SYNPO: variants seen among roughly 807,000 people sequenced by gnomAD.
SYNPO encodes synaptopodin.
SYNPO carries 19 observed loss-of-function variants against 49.5 expected under a neutral mutation model. The ratio of observed to expected loss-of-function variants is 0.38; its 90% confidence interval spans 0.27 to 0.56. The LOEUF (loss-of-function observed/expected upper bound fraction) is 0.56. Among genes scored for constraint, SYNPO ranks in the 20% least tolerant of loss-of-function variants. The pLI is 0.68. For missense variants in SYNPO, 1,131 were observed against 1,248.3 expected (o/e 0.91, Z 1.42); for synonymous variants, 536 against 548.0 (o/e 0.98, Z 0.31).
Position 150,641,477 on chromosome 5 carries a change from A to T in SYNPO, c.-333+623A>T, listed in dbSNP as rs1581498873. Among the ~76,000 whole-genome samples the T allele has an allele frequency of 2.0e-5, 3 of 152,204 alleles. No homozygotes were observed. The East Asian group carries it at 5.8e-4, about 29-fold the overall frequency. On this transcript the variant is annotated intron_variant, in intron 1 of 2. Coordinates refer to ENST00000307662, the MANE Select transcript of SYNPO (RefSeq NM_007286.6). ...CTGGCTGGACACTCCCATTGACGGC[A>T]TCGTGTGAAGAAGCATTTCCTTGAA... is the stretch of plus-strand genomic sequence containing the variant.
chr5:150,657,287 G>GT lies in SYNPO; in HGVS notation c.*201dup, dbSNP rs1394282134. ...TCATTCAGCTGTTGTGTGACCCTGGGTAAGACCCTTCCTTGTTTGACCCTC... is the reference window on the plus strand; with the variant it reads ...TCATTCAGCTGTTGTGTGACCCTGGGTTAAGACCCTTCCTTGTTTGACCCTC... On this transcript the variant is annotated 3_prime_UTR_variant, in exon 3 of 3. Coordinates refer to ENST00000307662, the MANE Select transcript of SYNPO (RefSeq NM_007286.6). 3 of 623,866 alleles carry GT rather than the reference G, an allele frequency of 4.8e-6. No homozygotes were observed. In the African/African-American group the frequency reaches 5.5e-5, roughly 11 times the overall value. 38.6% of individuals were successfully genotyped at this position (623,866 alleles called of 1,614,324 possible).
intron 2 of SYNPO, among the ~76,000 whole-genome samples, chr5:150,635,203 A>C (rs145001166): frequency 4.1e-4 from 62 of 152,360 alleles, no homozygotes; most frequent in Admixed American, 8.5e-4. Context: ...CTCAGTGTGC[A>C]CATATTTATG....
chr5:150,590,304 T>C, the SYNPO span, among the ~76,000 whole-genome samples: 1 of 152,136 alleles, frequency 6.6e-6, no homozygotes, highest in Non-Finnish European at 1.5e-5. Context: ...GCTGGGACCA[T>C]AGGCCCCTGG....
At chr5:150,654,674 G>A (rs188264156) in intron 2 of SYNPO, among the ~76,000 whole-genome samples, 6 of 152,274 alleles carry the variant, frequency 3.9e-5, no homozygotes, top group East Asian at 3.9e-4. Flanking sequence ...AGTGAGGGGC[G>A]TGTGCTGCCT....
In SYNPO at chr5:150,656,822, C is replaced by A. The variant is rs918089555; in HGVS notation, c.2447C>A (p.Pro816Gln). 4 of 1,526,686 alleles carry A rather than the reference C, an allele frequency of 2.6e-6. No individual in the cohort carries two copies. The Admixed American group carries it at 5.9e-5, about 22-fold the overall frequency. The allele number at this position is 1,526,686 out of a possible 1,614,324, so 94.6% of individuals were successfully genotyped here. A position where few individuals can be genotyped will look rare whatever the true frequency, so the allele number is the denominator to read the frequency against. The change falls in exon 3 of 3, where the codon CCG (proline) becomes CAG (glutamine). Residue 816 changes from proline (P) to glutamine (Q), a missense_variant. Coordinates refer to ENST00000307662, the MANE Select transcript of SYNPO (RefSeq NM_007286.6). ...QPARPGSAAV[P>Q]GAAFAPIPRS... ...GCCCGCCCCGGCTCGGCTGCTGTGC[C>A]GGGGGCAGCCTTCGCGCCCATCCCG...
At chr5:150,599,348 T>C (rs1215320330), upstream of SYNPO, among the ~76,000 whole-genome samples, 1 of 152,144 alleles carries the variant, frequency 6.6e-6, no homozygotes, top group East Asian at 1.9e-4. Context: ...TGCCCCCTTT[T>C]TCATGGATGG....
chr5:150,650,561 A>AGCGGGGAG, intron 2 of SYNPO: 2 of 1,459,560 alleles, frequency 1.4e-6, no homozygotes, highest in Non-Finnish European at 1.8e-6. Flanking sequence ...TCCATGTCTG[A>AGCGGGGAG]GCGGGGAGGA....
chr5:150,633,195 A>C (rs1273184574), intron 2 of SYNPO, among the ~76,000 whole-genome samples: 1 of 152,210 alleles, frequency 6.6e-6, no homozygotes, highest in Non-Finnish European at 1.5e-5. Flanking sequence ...CCAGAGAGCT[A>C]ATGTGCAGTA....
At position 150,656,427 on chromosome 5, in the gene SYNPO, C is replaced by T. The variant is rs771438519; in HGVS notation, c.2052C>T (p.Thr684=). The T allele has an allele frequency of 2.5e-5, 39 of 1,531,914 alleles. No homozygotes were observed. The African/African-American group carries it at 3.7e-4, about 15-fold the overall frequency. The allele number at this position is 1,531,914 out of a possible 1,614,324, so 94.9% of individuals were successfully genotyped here. A position where few individuals can be genotyped will look rare whatever the true frequency, so the allele number is the denominator to read the frequency against. ...EAQDRRESLP[T]SPPWTPGASR... ...AGGACCGCCGGGAGAGCCTGCCCAC[C>T]TCCCCACCCTGGACGCCGGGCGCGT... Residue 684 remains threonine (T), a synonymous_variant, in exon 3 of 3, where the codon ACC becomes ACT. Coordinates refer to ENST00000307662, the MANE Select transcript of SYNPO (RefSeq NM_007286.6).
upstream of SYNPO, among the ~76,000 whole-genome samples, chr5:150,600,809 C>A (rs1212000436): frequency 1.3e-5 from 2 of 151,954 alleles, no homozygotes; most frequent in Admixed American, 6.6e-5. Context: ...TCGCTGGGGG[C>A]TTTTTCTTCA....
intron 2 of SYNPO, among the ~76,000 whole-genome samples, chr5:150,622,012 T>G (rs1757197867): frequency 6.6e-6 from 1 of 152,218 alleles, no homozygotes; most frequent in Non-Finnish European, 1.5e-5. Flanking sequence ...AGATGGAGAC[T>G]CTGAGTGCCA....
intron 1 of SYNPO, among the ~76,000 whole-genome samples, chr5:150,608,218 T>G (rs1436676073): frequency 4.9e-5 from 7 of 142,114 alleles, no homozygotes; most frequent in Non-Finnish European, 1.0e-4. Context: ...CTGATGTCAC[T>G]CTTCTTAATC....
the SYNPO span, among the ~76,000 whole-genome samples, chr5:150,588,584 G>C: frequency 6.6e-6 from 1 of 152,136 alleles, no homozygotes; most frequent in East Asian, 1.9e-4. Flanking sequence ...GGGAGTCAGA[G>C]AGAAGGGGAT....
upstream of SYNPO, among the ~76,000 whole-genome samples, chr5:150,596,948 C>G (rs1756436682): frequency 1.3e-5 from 2 of 152,360 alleles, no homozygotes; most frequent in South Asian, 2.1e-4. Context: ...TGTCCACATT[C>G]TGGATTCTAG....
chr5:150,640,479 G>A (rs1757862923), upstream of SYNPO, among the ~76,000 whole-genome samples: 1 of 152,174 alleles, frequency 6.6e-6, no homozygotes, highest in Admixed American at 6.5e-5. Context: ...GCCAGGATGA[G>A]GACTCTCCTC....
chr5:150,616,391 G>A (rs981044801), intron 1 of SYNPO, among the ~76,000 whole-genome samples: 1 of 152,232 alleles, frequency 6.6e-6, no homozygotes, highest in Non-Finnish European at 1.5e-5. Context: ...ACTTGCCTGA[G>A]TTCACACAGC....
intron 1 of SYNPO, among the ~76,000 whole-genome samples, chr5:150,613,917 G>C (rs1052006324): frequency 3.9e-5 from 6 of 152,112 alleles, no homozygotes; most frequent in African/African-American, 1.2e-4. Flanking sequence ...AGCTTACAAG[G>C]GAGGCTCTTT....
At chr5:150,637,203 G>C (rs138152681), upstream of SYNPO, among the ~76,000 whole-genome samples, 55 of 152,258 alleles carry the variant, frequency 3.6e-4, no homozygotes, top group Non-Finnish European at 6.2e-4. Flanking sequence ...AAGGAGGGCT[G>C]TCTGTGGGAG....
rs1194492259 is a variant in SYNPO, at chr5:150,656,889, C to G, written c.2514C>G (p.Pro838=). ...LPAGPSSCTS[P]RSPLPAPPRP... ...CCGGTCCTTCGTCCTGCACCAGTCC[C>G]CGGAGCCCGCTGCCCGCGCCTCCCA... is the stretch of plus-strand genomic sequence containing the variant. The change falls in exon 3 of 3, where the codon CCC becomes CCG. Residue 838 remains proline (P), a synonymous_variant. Transcript: ENST00000307662. 1 of 1,575,884 alleles carries G rather than the reference C, an allele frequency of 6.3e-7. No individual in the cohort carries two copies. The highest frequency in any genetic ancestry group is 1.8e-5 in the Admixed American group (1 of 55,846).
Sources: allele counts gnomAD v4.1 joint callset (sites outside exome capture counted in the v4.1 genomes callset), GRCh38; gene constraint gnomAD v4.1.1; transcripts MANE v1.5; gene names NCBI Gene and HGNC (gene_info 2026-07-23, HGNC 2026-07-21).